The following TOP1 variants were observed in gnomAD, a reference collection of about 807,000 sequenced individuals.
The protein encoded by TOP1 is DNA topoisomerase 1.
TOP1 carries 10 observed loss-of-function variants against 111.1 expected under a neutral mutation model. The observed-to-expected ratio is 0.09, with a 90% CI of 0.06 to 0.15. The LOEUF (loss-of-function observed/expected upper bound fraction) is 0.15. Ranked by LOEUF, TOP1 falls within the 10% of genes least tolerant of loss-of-function variation. TOP1 has a pLI of 1.00. For missense variants in TOP1, 474 were observed against 926.7 expected, an observed-to-expected ratio of 0.51 and a Z score of 6.34; for synonymous variants, 271 against 302.9, an observed-to-expected ratio of 0.89 and a Z score of 1.10.
chr20:41,089,552 A>G lies in TOP1; in HGVS notation c.615-2920A>G, dbSNP rs781281061. On this transcript the variant is annotated intron_variant, in intron 8 of 20. Coordinates refer to ENST00000361337, the MANE Select transcript of TOP1 (RefSeq NM_003286.4). ...TGTCCTGCATTTTGTTTATTCATTC[A>G]TCTTTTGATGGACATGGGTTATTTC... 2.7e-4 allele frequency among the ~76,000 whole-genome samples: 41 copies of G among 152,282 alleles called. 1 individual carries two copies. The highest frequency in any genetic ancestry group is 8.4e-4 in the African/African-American group (35 of 41,562).
rs1057160720 is a variant in TOP1 at position 41,071,406 on chromosome 20, G to A, written c.156-4765G>A. On this transcript the variant is annotated intron_variant, in intron 3 of 20. Coordinates refer to ENST00000361337, the MANE Select transcript of TOP1 (RefSeq NM_003286.4). This position sits in a 1 kb window ranked among gnomAD's most constrained non-coding sequence, Gnocchi z 4.3. ...TATCGCCAGGCTGGAGTGCAGTGGC[G>A]TGATCTCGGCTCACTGCAGCCTCTG... 6.6e-6 allele frequency among the ~76,000 whole-genome samples: 1 copy of A among 151,540 alleles called. No individual in the cohort carries two copies. Among genetic ancestry groups the A allele is most frequent in the African/African-American group, 2.4e-5 (1 of 41,208 alleles).
At chr20:41,051,392 T>C (rs1019828699) in intron 2 of TOP1, among the ~76,000 whole-genome samples, 5 of 152,218 alleles carry the variant, frequency 3.3e-5, no homozygotes, top group African/African-American at 1.2e-4. Context: ...CTTCCTGCCC[T>C]GATCTGATTA....
Position 41,121,584 on chromosome 20 carries a change from G to A in TOP1, c.1951-112G>A. On this transcript the variant is annotated intron_variant, in intron 18 of 20. Transcript: ENST00000361337. The surrounding 1 kb of genome is among the most constrained non-coding windows in gnomAD (Gnocchi z 4.2). ...AAGCCACCCTTGTTTTTTTTTATCT[G>A]ACAAACCACTGACAGAGACAGCCTG... is the stretch of plus-strand genomic sequence containing the variant. 7.3e-6 allele frequency: 6 copies of A among 818,664 alleles called. No individual in the cohort carries two copies. Among genetic ancestry groups the A allele is most frequent in the Non-Finnish European group, 1.2e-5 (6 of 484,518 alleles). 50.7% of individuals were successfully genotyped at this position (818,664 alleles called of 1,614,324 possible). A position where few individuals can be genotyped will look rare whatever the true frequency, so the allele number is the denominator to read the frequency against.
Position 41,106,149 on chromosome 20 carries a change from T to C in TOP1, c.1308+4796T>C, listed in dbSNP as rs899225189. ...AAACTGTTGTCACAGAACTATTTAG[T>C]TGTATTACCTCCTCTCTTGTATATC... On this transcript the variant is annotated intron_variant, in intron 13 of 20. Coordinates refer to ENST00000361337, the MANE Select transcript of TOP1 (RefSeq NM_003286.4). The surrounding 1 kb of genome is among the most constrained non-coding windows in gnomAD (Gnocchi z 4.3). Among the ~76,000 whole-genome samples, 4 of 152,214 alleles carry C rather than the reference T, an allele frequency of 2.6e-5. No homozygotes were observed. The highest frequency in any genetic ancestry group is 9.6e-5 in the African/African-American group (4 of 41,452).
rs201329260 is a variant in TOP1 at position 41,121,570 on chromosome 20, GT to G, written c.1951-117del. 1.2e-4 allele frequency: 91 copies of G among 740,188 alleles called. No individual in the cohort carries two copies. The highest frequency in any genetic ancestry group is 1.6e-4 in the South Asian group (10 of 63,174). 45.9% of individuals were successfully genotyped at this position (740,188 alleles called of 1,614,324 possible). On this transcript the variant is annotated intron_variant, in intron 18 of 20. Transcript: ENST00000361337. The surrounding 1 kb of genome is among the most constrained non-coding windows in gnomAD (Gnocchi z 4.2). ...TCCCTGCCTTCATGAAGCCACCCTT[GT>G]TTTTTTTTATCTGACAAACCACTGA...
chr20:41,096,038 T>G (rs1336877598), intron 9 of TOP1, among the ~76,000 whole-genome samples: 2 of 152,202 alleles, frequency 1.3e-5, no homozygotes, highest in Admixed American at 1.3e-4. Flanking sequence ...AGTTAGCAGC[T>G]TTCATTGTGA....
intron 2 of TOP1, among the ~76,000 whole-genome samples, chr20:41,059,906 A>G (rs1366242017): frequency 6.6e-6 from 1 of 152,224 alleles, no homozygotes; most frequent in East Asian, 1.9e-4. Flanking sequence ...ATGAGAGGCC[A>G]ACAAGCACAC....
chr20:41,121,784 CGAA>C lies in TOP1; in HGVS notation c.2044_2045+1del, dbSNP rs1198616267. ...GCCAAGGTCATGAAGGATGCAAAGA[CGAA>C]GAAGTATGTACCTGGTATTGTGAAA... On this transcript the variant is annotated inframe_deletion, in exon 19 of 21. Coordinates refer to ENST00000361337, the MANE Select transcript of TOP1 (RefSeq NM_003286.4). This position sits in a 1 kb window ranked among gnomAD's most constrained non-coding sequence, Gnocchi z 4.2. 1.2e-6 allele frequency: 2 copies of C among 1,613,894 alleles called. No individual in the cohort carries two copies. Among genetic ancestry groups the C allele is most frequent in the Non-Finnish European group, 1.7e-6 (2 of 1,179,762 alleles).
Position 41,028,946 on chromosome 20 carries a change from CCGCCGCTTACCTG to C in TOP1, c.-117_-105del, listed in dbSNP as rs1159431441. On this transcript the variant is annotated 5_prime_UTR_variant, in exon 1 of 21. Transcript: ENST00000361337. ...TTCTGGAGTCTCGGGCCCACAGTCACCGCCGCTTACCTGCGCCTCCTCGAGCCTCCGGAGTCCC... is the reference window on the plus strand; with the variant it reads ...TTCTGGAGTCTCGGGCCCACAGTCACCGCCTCCTCGAGCCTCCGGAGTCCC... The C allele has an allele frequency of 2.5e-6, 2 of 801,908 alleles. No individual in the cohort carries two copies. The highest frequency in any genetic ancestry group is 4.0e-6 in the Non-Finnish European group (2 of 503,024). 49.7% of individuals were successfully genotyped at this position (801,908 alleles called of 1,614,324 possible). A position where few individuals can be genotyped will look rare whatever the true frequency, so the allele number is the denominator to read the frequency against.
At chr20:41,077,509 A>G (rs1241052188) in intron 4 of TOP1, 73 bp from the exon 5 acceptor site, 4 of 1,207,538 alleles carry the variant, frequency 3.3e-6, no homozygotes, top group Middle Eastern at 1.9e-4. Context: ...AACTGATGCT[A>G]CATATTCTCA....
In TOP1 at chr20:41,029,083, C is replaced by T. The variant is rs773299206; in HGVS notation, c.16C>T (p.Leu6Phe). Residue 6 changes from leucine to phenylalanine, a missense_variant, in exon 1 of 21, where the codon CTC (leucine) becomes TTC (phenylalanine). Coordinates refer to ENST00000361337, the MANE Select transcript of TOP1 (RefSeq NM_003286.4). The surrounding 1 kb of genome is among the most constrained non-coding windows in gnomAD (Gnocchi z 6.1). The stretch of plus-strand genomic sequence containing the variant: ...CCGGGCCGACATGAGTGGGGACCAC[C>T]TCCACAACGATTCCCAGGTACGGCC... MSGDH[L>F]HNDSQIEADF... 1.2e-5 allele frequency: 19 copies of T among 1,537,454 alleles called. No homozygotes were observed. The South Asian group carries it at 1.8e-4, about 15-fold the overall frequency.
At position 41,082,858 on chromosome 20, in the gene TOP1, T is replaced by A. The variant is rs984650309; in HGVS notation, c.508-1604T>A. On this transcript the variant is annotated intron_variant, in intron 7 of 20. Transcript: ENST00000361337. This position sits in a 1 kb window ranked among gnomAD's most constrained non-coding sequence, Gnocchi z 4.1. ...AAGTGTTTTTTTTTTATGTTTATAT[T>A]GCATTTATGCAAAAATAATACTCTG... Among the ~76,000 whole-genome samples, 24 of 152,096 alleles carry A rather than the reference T, an allele frequency of 1.6e-4. No homozygotes were observed. The highest frequency in any genetic ancestry group is 2.1e-4 in the South Asian group (1 of 4,830).
rs775992693 is a variant in TOP1 at position 41,029,380 on chromosome 20, G to A, written c.34-51G>A. The A allele has an allele frequency of 2.1e-6, 3 of 1,432,884 alleles. No homozygotes were observed. Among genetic ancestry groups the A allele is most frequent in the Non-Finnish European group, 1.8e-6 (2 of 1,089,136 alleles). The allele number at this position is 1,432,884 out of a possible 1,614,324, so 88.8% of individuals were successfully genotyped here. A position where few individuals can be genotyped will look rare whatever the true frequency, so the allele number is the denominator to read the frequency against. ...ACCCCGGCCGCGCGCGCTCGCCGCC[G>A]GAGGGGTTAAAGTGGCTGTTGTTTG... On this transcript the variant is annotated intron_variant, in intron 1 of 20. Transcript: ENST00000361337. This position sits in a 1 kb window ranked among gnomAD's most constrained non-coding sequence, Gnocchi z 6.1.
chr20:41,040,514 A>G (rs1261245733), intron 2 of TOP1, among the ~76,000 whole-genome samples: 2 of 152,204 alleles, frequency 1.3e-5, no homozygotes, highest in African/African-American at 2.4e-5. Context: ...GTTAGTCTTT[A>G]TAACTACTGG....
At chr20:41,055,224 A>G (rs1286941104) in intron 2 of TOP1, among the ~76,000 whole-genome samples, 2 of 152,240 alleles carry the variant, frequency 1.3e-5, no homozygotes, top group Non-Finnish European at 1.5e-5. Context: ...AGGTTTTCTG[A>G]TGATTTAATG....
intron 2 of TOP1, among the ~76,000 whole-genome samples, chr20:41,037,833 A>G (rs2033208532): frequency 6.6e-6 from 1 of 152,270 alleles, no homozygotes; most frequent in Non-Finnish European, 1.5e-5. Flanking sequence ...TACGCCATTC[A>G]GCAAAAGGAT....
In TOP1 at chr20:41,121,743, A is replaced by G. The variant is rs778455514; in HGVS notation, c.1998A>G (p.Lys666=). 1.9e-6 allele frequency: 3 copies of G among 1,614,232 alleles called. No individual in the cohort carries two copies. The highest frequency in any genetic ancestry group is 2.5e-6 in the Non-Finnish European group (3 of 1,180,034). The change falls in exon 19 of 21, where the codon AAA becomes AAG. Residue 666 remains lysine (K), a synonymous_variant. Coordinates refer to ENST00000361337, the MANE Select transcript of TOP1 (RefSeq NM_003286.4). This position sits in a 1 kb window ranked among gnomAD's most constrained non-coding sequence, Gnocchi z 4.2. ...EQLADARRDL[K]SAKADAKVMK... ...TAGCAGATGCCCGGAGAGACCTGAA[A>G]AGTGCTAAGGCTGATGCCAAGGTCA...
chr20:41,058,202 G>C lies in TOP1; in HGVS notation c.59-3192G>C. Among the ~76,000 whole-genome samples the C allele has an allele frequency of 6.6e-6, 1 of 152,210 alleles. No homozygotes were observed. ...AGATGCTCAGCAGATTATGACACAT[G>C]TGGCTTCTTTTGCTGTGAGCCAGTC... is the stretch of plus-strand genomic sequence containing the variant. On this transcript the variant is annotated intron_variant, in intron 2 of 20. Transcript: ENST00000361337. The surrounding 1 kb of genome is among the most constrained non-coding windows in gnomAD (Gnocchi z 4.2).
Position 41,097,135 on chromosome 20 carries a change from ATTAAAGAG to A in TOP1, c.731-84_731-77del. 6.8e-7 allele frequency: 1 copy of A among 1,476,000 alleles called. No homozygotes were observed. The highest frequency in any genetic ancestry group is 9.2e-7 in the Non-Finnish European group (1 of 1,090,792). The allele number at this position is 1,476,000 out of a possible 1,614,324, so 91.4% of individuals were successfully genotyped here. A position where few individuals can be genotyped will look rare whatever the true frequency, so the allele number is the denominator to read the frequency against. ...ATATACCATGAGAAGGCAAACCATTATTAAAGAGAATTCGCTAGCCCTGGGTATTTATG... is the reference window on the plus strand; with the variant it reads ...ATATACCATGAGAAGGCAAACCATTAAATTCGCTAGCCCTGGGTATTTATG... On this transcript the variant is annotated intron_variant, in intron 9 of 20. Transcript: ENST00000361337. This position sits in a 1 kb window ranked among gnomAD's most constrained non-coding sequence, Gnocchi z 4.2.
Sources: gnomAD v4.1 joint callset for allele counts (sites outside exome capture counted in the v4.1 genomes callset) on GRCh38, gnomAD v4.1.1 for gene constraint, Gnocchi (gnomAD v3.1) non-coding constraint, MANE v1.5 for transcripts, NCBI Gene and HGNC (gene_info 2026-07-23, HGNC 2026-07-21) for gene names.